The following TNK2 variants were observed in gnomAD, a reference collection of about 807,000 sequenced individuals.
TNK2 encodes tyrosine kinase non receptor 2, also known as activated CDC42 kinase 1.
In TNK2, 83 loss-of-function variants were observed where a neutral mutation model predicts 101.8. The ratio of observed to expected loss-of-function variants is 0.82; its 90% CI spans 0.68 to 0.98. TNK2 has a LOEUF of 0.98. TNK2 is among the 50% of genes least tolerant of loss of function. The pLI, the probability that TNK2 is intolerant of heterozygous loss-of-function variation, is 0.00. For missense variants in TNK2, 1,665 were observed against 1,483.2 expected (o/e 1.12, Z -2.01); for synonymous variants, 804 against 633.0 (o/e 1.27, Z -4.06).
chr3:195,888,393 GGGCAA>G lies in TNK2; in HGVS notation c.163+28_163+32del. On this transcript the variant is annotated intron_variant, in intron 2 of 15. Coordinates refer to ENST00000672887, the MANE Select transcript of TNK2 (RefSeq NM_001382273.1). The surrounding 1 kb of genome is among the most constrained non-coding windows in gnomAD (Gnocchi z 5.3). ...GAGGACAGAGGACGGAAAGGGTCAG[GGGCAA>G]GACAAGCCAGGCCAACATCCCACCT... 2 of 1,604,150 alleles carry G rather than the reference GGGCAA, an allele frequency of 1.2e-6. No homozygotes were observed. The highest frequency in any genetic ancestry group is 4.5e-5 in the East Asian group (2 of 44,714).
intron 1 of TNK2, chr3:195,892,631 C>T: frequency 7.0e-7 from 1 of 1,432,966 alleles, no homozygotes; most frequent in Non-Finnish European, 9.1e-7. Flanking sequence ...CTCCGCTCTG[C>T]TGCAAGCCCC....
At position 195,867,384 on chromosome 3, in the gene TNK2, G is replaced by C; in HGVS notation, c.2914C>G (p.Arg972Gly). 6.2e-7 allele frequency: 1 copy of C among 1,604,900 alleles called. No individual in the cohort carries two copies. Among genetic ancestry groups the C allele is most frequent in the Non-Finnish European group, 8.5e-7 (1 of 1,177,554 alleles). Residue 972 changes from arginine (R) to glycine (G), a missense_variant, in exon 13 of 16, where the codon CGG becomes GGG. By Grantham distance (125) the Arg-to-Gly change is moderately radical (BLOSUM62 -2). Coordinates refer to ENST00000672887, the MANE Select transcript of TNK2 (RefSeq NM_001382273.1). ...GCPGDGPEAG[R>G]PADKIQMLQA... is the part of the protein sequence containing the mutation. ...ACCATCTGGATCTTGTCTGCTGGCC[G>C]GCCCGCCTCTGGCCCATCGCCAGGG...
Position 195,879,160 on chromosome 3 carries a change from G to A in TNK2, c.903C>T (p.Ser301=). Residue 301 remains serine (S), a synonymous_variant, in exon 7 of 16, where the codon AGC becomes AGT. Transcript: ENST00000672887. ...KVPFAWCAPE[S]LKTRTFSHAS... is the part of the protein sequence containing the mutation. ...CATGGGAGAAGGTGCGTGTCTTCAG[G>A]CTCTCGGGGGCACACCTGGCAGAGG... 1 of 1,613,474 alleles carries A rather than the reference G, an allele frequency of 6.2e-7. No homozygotes were observed. Among genetic ancestry groups the A allele is most frequent in the South Asian group, 1.1e-5 (1 of 91,078 alleles).
chr3:195,874,321 T>C (rs1196545670), intron 9 of TNK2, among the ~76,000 whole-genome samples: 1 of 152,182 alleles, frequency 6.6e-6, no homozygotes, highest in East Asian at 1.9e-4. Context: ...GAAGCCTCCT[T>C]TGGGACCCAC....
chr3:195,867,137 T>C (rs1741410140), intron 14 of TNK2, 32 bp downstream of exon 14: 1 of 1,610,394 alleles, frequency 6.2e-7, no homozygotes, highest in Admixed American at 1.7e-5. Context: ...TCAGGGTCCC[T>C]GAGAGCCAGA....
At chr3:195,908,341 C>CT (rs1761966336) in intron 1 of TNK2, 144 bp downstream of exon 1, 1 of 152,554 alleles carries the variant, frequency 6.6e-6, no homozygotes, top group African/African-American at 2.4e-5. Flanking sequence ...CCTGCCTTGC[C>CT]GCTGAAAACT....
chr3:195,877,645 T>C (rs1175104145), intron 9 of TNK2, among the ~76,000 whole-genome samples: 3 of 151,676 alleles, frequency 2.0e-5, no homozygotes, highest in Non-Finnish European at 4.4e-5. Flanking sequence ...GGGCCAGCAG[T>C]GGTGGGGCCT....
At position 195,879,105 on chromosome 3, in the gene TNK2, G is replaced by A. The variant is rs1249103196; in HGVS notation, c.958C>T (p.Leu320=). ...ASDTWMFGVT[L]WEMFTYGQEP... is the part of the protein sequence containing the mutation. ...TGGCCGTAGGTGAACATTTCCCACA[G>A]TGTCACCCCGAACATCCAGGTGTCG... The change falls in exon 7 of 16, where the codon CTG becomes TTG. Residue 320 remains leucine (L), a synonymous_variant. Transcript: ENST00000672887. 2 of 1,613,796 alleles carry A rather than the reference G, an allele frequency of 1.2e-6. No homozygotes were observed. The highest frequency in any genetic ancestry group is 2.2e-5 in the East Asian group (1 of 44,898).
chr3:195,873,302 C>T (rs1746737447), intron 9 of TNK2, among the ~76,000 whole-genome samples: 1 of 152,192 alleles, frequency 6.6e-6, no homozygotes, highest in African/African-American at 2.4e-5. Flanking sequence ...GCAGGCAGGC[C>T]AGGAAGCACA....
At chr3:195,883,692 G>A in intron 4 of TNK2, 1 of 174,532 alleles carries the variant, frequency 5.7e-6, no homozygotes. Context: ...TCAGCTCACT[G>A]CAACCTCTGC....
intron 1 of TNK2, among the ~76,000 whole-genome samples, chr3:195,906,613 C>T (rs192615515): frequency 0.011 from 1,616 of 151,970 alleles, 22 homozygotes; most frequent in Non-Finnish European, 0.016. Context: ...TGGAGGGGTT[C>T]CACAAGAAAA....
rs1560506834 is a variant in TNK2 at position 195,878,982 on chromosome 3, C to T, written c.1014+67G>A. The T allele has an allele frequency of 1.3e-5, 20 of 1,585,150 alleles. No individual in the cohort carries two copies. Among genetic ancestry groups the T allele is most frequent in the Non-Finnish European group, 1.6e-5 (19 of 1,166,978 alleles). ...TTGGTGAGAGGCAGTTCCAGCAGGGCCAGGCTGCAAGCAGGGAATGGAATT... is the reference window on the plus strand; with the variant it reads ...TTGGTGAGAGGCAGTTCCAGCAGGGTCAGGCTGCAAGCAGGGAATGGAATT... On this transcript the variant is annotated intron_variant, in intron 7 of 15. Coordinates refer to ENST00000672887, the MANE Select transcript of TNK2 (RefSeq NM_001382273.1). This position sits in a 1 kb window ranked among gnomAD's most constrained non-coding sequence, Gnocchi z 4.7.
intron 1 of TNK2, chr3:195,891,899 C>A: frequency 1.0e-6 from 1 of 985,884 alleles, no homozygotes. Flanking sequence ...CCCTGAAACA[C>A]CAGCTAATGC....
intron 1 of TNK2, among the ~76,000 whole-genome samples, chr3:195,905,782 C>A (rs1364628667): frequency 6.6e-6 from 1 of 152,126 alleles, no homozygotes; most frequent in Non-Finnish European, 1.5e-5. Context: ...CACAAAGTAA[C>A]AAATTAGTAA....
Position 195,868,438 on chromosome 3 carries a change from A to G in TNK2, c.1860T>C (p.Pro620=). 1 of 1,566,696 alleles carries G rather than the reference A, an allele frequency of 6.4e-7. No homozygotes were observed. Among genetic ancestry groups the G allele is most frequent in the Non-Finnish European group, 8.6e-7 (1 of 1,165,148 alleles). ...DACSLLDETP[P]QSPTRALPRP... is the part of the protein sequence containing the mutation. The stretch of plus-strand genomic sequence containing the variant: ...GGGGCAGTGCCCGCGTGGGGCTCTG[A>G]GGCGGGGTCTCGTCCAGCAGGGAGC... The change falls in exon 13 of 16, where the codon CCT becomes CCC. Residue 620 remains proline, a synonymous_variant. Transcript: ENST00000672887.
chr3:195,866,605 C>T (rs1019400443), intron 15 of TNK2, among the ~76,000 whole-genome samples: 16 of 152,202 alleles, frequency 1.1e-4, no homozygotes, highest in Non-Finnish European at 1.8e-4. Flanking sequence ...TTCCTGGAGC[C>T]GCTCAGGGTC....
In TNK2 at chr3:195,896,569, G is replaced by A. The variant is rs12490307; in HGVS notation, c.-18-7963C>T. Among the ~76,000 whole-genome samples, 919 of 152,224 alleles carry A rather than the reference G, an allele frequency of 6.0e-3. 5 individuals carry two copies. Among genetic ancestry groups the A allele is most frequent in the African/African-American group, 0.021 (870 of 41,530 alleles). ...CTTGGGAGTAGCTGCAAAGCCGGGA[G>A]ACTGTAGAAGGCAAGGCAGAAAATA... is the stretch of plus-strand genomic sequence containing the variant. On this transcript the variant is annotated intron_variant, in intron 1 of 15. Transcript: ENST00000672887.
At position 195,867,899 on chromosome 3, in the gene TNK2, G is replaced by T; in HGVS notation, c.2399C>A (p.Ser800Tyr). The T allele has an allele frequency of 1.3e-6, 2 of 1,533,394 alleles. No individual in the cohort carries two copies. Among genetic ancestry groups the T allele is most frequent in the Non-Finnish European group, 8.7e-7 (1 of 1,149,336 alleles). The allele number at this position is 1,533,394 out of a possible 1,614,324, so 95.0% of individuals were successfully genotyped here. ...PPRVPPREPL[S>Y]PQGSRTPSPL... ...GCTGGGTGTCCTCGAGCCTTGAGGG[G>T]ACAGGGGCTCCCGCGGAGGCACCCG... The change falls in exon 13 of 16, where the codon TCC (serine) becomes TAC (tyrosine). Residue 800 changes from serine to tyrosine, a missense_variant. By Grantham distance (144) the Ser-to-Tyr change is moderately radical (BLOSUM62 -2). This residue lies in a region of TNK2 where 1,136 missense variants were observed against 894.9 expected (regional missense o/e 1.27). Transcript: ENST00000672887.
At position 195,867,483 on chromosome 3, in the gene TNK2, A is replaced by T; in HGVS notation, c.2815T>A (p.Ser939Thr). The change falls in exon 13 of 16, where the codon TCC becomes ACC. Residue 939 changes from serine to threonine, a missense_variant. Coordinates refer to ENST00000672887, the MANE Select transcript of TNK2 (RefSeq NM_001382273.1). ...QAALDPKANFSTNNSNPGARP... is the reference protein window; with the variant it reads ...QAALDPKANFTTNNSNPGARP... ...GCCCCTGGGTTGCTGTTGTTGGTGG[A>T]GAAGTTGGCCTTGGGGTCCAAGGCA... 1 of 1,574,402 alleles carries T rather than the reference A, an allele frequency of 6.4e-7. No homozygotes were observed. Among genetic ancestry groups the T allele is most frequent in the Non-Finnish European group, 8.6e-7 (1 of 1,168,474 alleles).
Sources: allele counts gnomAD v4.1 joint callset (sites outside exome capture counted in the v4.1 genomes callset), GRCh38; gene constraint gnomAD v4.1.1; regional missense constraint gnomAD v4.1.1; non-coding constraint Gnocchi (gnomAD v3.1); transcripts MANE v1.5; gene names NCBI Gene and HGNC (gene_info 2026-07-23, HGNC 2026-07-21).